Variants in SFMBT2 observed in about 807,000 individuals in gnomAD.
SFMBT2 encodes Scm like with four mbt domains 2.
SFMBT2 carries 38 observed loss-of-function variants against 110.1 expected under a neutral mutation model. The observed-to-expected ratio is 0.35, with a 90% CI of 0.27 to 0.45. SFMBT2 has a LOEUF of 0.45. Among genes scored for constraint, SFMBT2 ranks in the 20% least tolerant of loss-of-function variants. The pLI, the probability that SFMBT2 is intolerant of heterozygous loss-of-function variation, is 1.00. For missense variants in SFMBT2, 1,011 were observed against 1,094.9 expected (o/e 0.92, Z 1.08); for synonymous variants, 425 against 425.4 (o/e 1.00, Z 0.01).
At chr10:7,234,220 A>G (rs1202726782) in intron 9 of SFMBT2, among the ~76,000 whole-genome samples, 8 of 152,172 alleles carry the variant, frequency 5.3e-5, no homozygotes, top group Non-Finnish European at 1.2e-4. Context: ...AAAAAAACAA[A>G]CAAACAAACA....
intron 16 of SFMBT2, among the ~76,000 whole-genome samples, chr10:7,180,113 T>A (rs1326009165): frequency 7.1e-6 from 1 of 140,244 alleles, no homozygotes; most frequent in Non-Finnish European, 1.5e-5. Context: ...GGCCCTTTTA[T>A]TTAGGTTTGC....
chr10:7,267,141 T>C (rs564507340), intron 7 of SFMBT2, among the ~76,000 whole-genome samples: 8 of 152,200 alleles, frequency 5.3e-5, no homozygotes, highest in African/African-American at 1.9e-4. Context: ...GCACTGAGTG[T>C]CTAAGGAACT....
rs972822206 is a variant in SFMBT2 at position 7,353,560 on chromosome 10, T to G, written c.436+14089A>C. Among the ~76,000 whole-genome samples the G allele has an allele frequency of 2.2e-4, 33 of 151,816 alleles. 1 individual carries two copies. Among genetic ancestry groups the G allele is most frequent in the Admixed American group, 5.9e-4 (9 of 15,246 alleles). Reference sequence around the variant, plus strand: ...ATGGTTGAGTACCATTTGTGAAAACTGGTCCTCAAGCTTTCTTGTTCATAT... The same window carrying G: ...ATGGTTGAGTACCATTTGTGAAAACGGGTCCTCAAGCTTTCTTGTTCATAT... On this transcript the variant is annotated intron_variant, in intron 4 of 20. Coordinates refer to ENST00000397167, the MANE Select transcript of SFMBT2 (RefSeq NM_001387889.1).
At chr10:7,263,849 C>T (rs1020170484) in intron 7 of SFMBT2, among the ~76,000 whole-genome samples, 2 of 152,184 alleles carry the variant, frequency 1.3e-5, no homozygotes, top group Non-Finnish European at 2.9e-5. Context: ...TTGGCTGTAC[C>T]AGACGGAATG....
chr10:7,364,527 A>G (rs2764389), intron 4 of SFMBT2, among the ~76,000 whole-genome samples: 29,161 of 152,142 alleles, frequency 0.19, 3,257 homozygotes, highest in African/African-American at 0.29. Context: ...ATTTTTACCA[A>G]ATGAACCCAT....
chr10:7,195,372 A>C (rs1373926572), intron 15 of SFMBT2, among the ~76,000 whole-genome samples: 2 of 152,036 alleles, frequency 1.3e-5, no homozygotes, highest in Non-Finnish European at 1.5e-5. Flanking sequence ...TCCCAACTCA[A>C]TCACCCTTTC....
intron 4 of SFMBT2, among the ~76,000 whole-genome samples, chr10:7,355,851 T>C (rs763392745): frequency 3.3e-5 from 5 of 152,308 alleles, no homozygotes; most frequent in Admixed American, 1.3e-4. Context: ...CCCCAGTCAA[T>C]GTATACAACT....
chr10:7,333,878 G>A (rs1001215155), intron 4 of SFMBT2, among the ~76,000 whole-genome samples: 3 of 152,080 alleles, frequency 2.0e-5, no homozygotes, highest in South Asian at 2.1e-4. Context: ...ACTAGGAAGC[G>A]CTGGTGTTGC....
intron 4 of SFMBT2, among the ~76,000 whole-genome samples, chr10:7,314,637 T>C (rs1054184328): frequency 4.6e-5 from 7 of 152,192 alleles, no homozygotes; most frequent in African/African-American, 1.2e-4. Context: ...GCTGGGCACA[T>C]TGGCTCACAC....
intron 7 of SFMBT2, among the ~76,000 whole-genome samples, chr10:7,252,780 C>T (rs1166184377): frequency 6.6e-6 from 1 of 152,040 alleles, no homozygotes; most frequent in African/African-American, 2.4e-5. Flanking sequence ...GGTCTTTGTC[C>T]CTGGTATAGG....
intron 4 of SFMBT2, among the ~76,000 whole-genome samples, chr10:7,286,708 C>G (rs1021002698): frequency 1.3e-5 from 2 of 152,158 alleles, no homozygotes; most frequent in African/African-American, 4.8e-5. Flanking sequence ...ATACTATTTT[C>G]TGTTCGAGAC....
intron 1 of SFMBT2, among the ~76,000 whole-genome samples, chr10:7,405,649 G>A (rs1358179715): frequency 6.6e-6 from 1 of 152,144 alleles, no homozygotes; most frequent in Non-Finnish European, 1.5e-5. Context: ...CTGCATAGAT[G>A]TACTGAATCA....
intron 1 of SFMBT2, among the ~76,000 whole-genome samples, chr10:7,388,303 G>A (rs935686900): frequency 6.6e-6 from 1 of 150,932 alleles, no homozygotes; most frequent in African/African-American, 2.4e-5. Flanking sequence ...AAATGAAGCA[G>A]AAAAGATCAG....
At chr10:7,362,646 G>A (rs11255088) in intron 4 of SFMBT2, among the ~76,000 whole-genome samples, 5,445 of 152,288 alleles carry the variant, frequency 0.036, 324 homozygotes, top group African/African-American at 0.12. Context: ...TTCCCAGGCT[G>A]TTATCCACAA....
At position 7,166,003 on chromosome 10, in the gene SFMBT2, G is replaced by A. The variant is rs114286953; in HGVS notation, c.2545-2093C>T. 5.3e-3 allele frequency among the ~76,000 whole-genome samples: 807 copies of A among 152,236 alleles called. 9 individuals are homozygous for A. The highest frequency in any genetic ancestry group is 0.018 in the African/African-American group (760 of 41,562). On this transcript the variant is annotated intron_variant, in intron 20 of 20. Coordinates refer to ENST00000397167, the MANE Select transcript of SFMBT2 (RefSeq NM_001387889.1). The stretch of plus-strand genomic sequence containing the variant: ...ATCAAATTACACCAAGAGGGCATGG[G>A]TGTAGGGACTCAAAGTCTTCCAGGT...
intron 4 of SFMBT2, among the ~76,000 whole-genome samples, chr10:7,305,136 A>C (rs548370984): frequency 2.0e-5 from 3 of 152,350 alleles, no homozygotes; most frequent in African/African-American, 7.2e-5. Flanking sequence ...AATTCTACCC[A>C]TGCTGCTTAC....
intron 15 of SFMBT2, among the ~76,000 whole-genome samples, chr10:7,192,770 G>A (rs988592416): frequency 2.0e-5 from 3 of 152,162 alleles, no homozygotes; most frequent in African/African-American, 7.2e-5. Flanking sequence ...TTTGGGGGTC[G>A]GAGGTCACAT....
chr10:7,405,454 A>G (rs1846185559), intron 1 of SFMBT2, among the ~76,000 whole-genome samples: 1 of 152,202 alleles, frequency 6.6e-6, no homozygotes. Flanking sequence ...CAGAGCACAG[A>G]TGAAAACACG....
chr10:7,184,051 G>T (rs997840553), intron 16 of SFMBT2, among the ~76,000 whole-genome samples: 10 of 152,208 alleles, frequency 6.6e-5, no homozygotes, highest in Non-Finnish European at 7.3e-5. Flanking sequence ...ATCAATATAT[G>T]TGTGGCCTTC....
Sources: gnomAD v4.1 joint callset for allele counts (sites outside exome capture counted in the v4.1 genomes callset) on GRCh38, gnomAD v4.1.1 for gene constraint, MANE v1.5 for transcripts, NCBI Gene and HGNC (gene_info 2026-07-23, HGNC 2026-07-21) for gene names.